ADIPOR2: variants seen among roughly 807,000 people sequenced by gnomAD.
ADIPOR2 encodes adiponectin receptor protein 2.
ADIPOR2 carries 18 observed loss-of-function variants against 40.9 expected under a neutral mutation model. That is an observed-to-expected ratio of 0.44 (90% confidence interval 0.30 to 0.65). ADIPOR2 has a LOEUF of 0.65. Ranked by LOEUF, ADIPOR2 falls within the 30% of genes least tolerant of loss-of-function variation. The pLI, the probability that ADIPOR2 is intolerant of heterozygous loss-of-function variation, is 0.09. For synonymous variants in ADIPOR2, 165 were observed against 166.4 expected, an observed-to-expected ratio of 0.99 and a Z score of 0.06; for missense variants, 283 against 479.2, an observed-to-expected ratio of 0.59 and a Z score of 3.82.
At position 1,784,087 on chromosome 12, in the gene ADIPOR2, G is replaced by A; in HGVS notation, c.1032+14G>A. 6.4e-7 allele frequency: 1 copy of A among 1,561,340 alleles called. No individual in the cohort carries two copies. Among genetic ancestry groups the A allele is most frequent in the Non-Finnish European group, 8.7e-7 (1 of 1,149,474 alleles). ...TGTGACATCTGGGTAAGTATGTCGG[G>A]GTGACTGAGTGTGTAGGTATCTGCT... On this transcript the variant is annotated intron_variant, in intron 7 of 7. Coordinates refer to ENST00000357103, the MANE Select transcript of ADIPOR2 (RefSeq NM_024551.3).
At chr12:1,757,175 A>G (rs1023598196) in intron 2 of ADIPOR2, 7 of 319,148 alleles carry the variant, frequency 2.2e-5, no homozygotes, top group Admixed American at 4.5e-5. Flanking sequence ...TCTGTTTATC[A>G]TGCTACATTA....
At chr12:1,693,334 G>A (rs1318272710) in intron 1 of ADIPOR2, among the ~76,000 whole-genome samples, 1 of 151,762 alleles carries the variant, frequency 6.6e-6, no homozygotes, top group Non-Finnish European at 1.5e-5. Context: ...AAAGTTTGCC[G>A]AGCTCCATTA....
chr12:1,701,175 G>A (rs561117740), intron 1 of ADIPOR2, among the ~76,000 whole-genome samples: 1 of 145,976 alleles, frequency 6.9e-6, no homozygotes, highest in East Asian at 2.0e-4. Context: ...TGTCACCCAG[G>A]CTAGAGTACA....
At chr12:1,772,797 G>T in intron 2 of ADIPOR2, 45 bp from the exon 3 acceptor site, 1 of 1,554,434 alleles carries the variant, frequency 6.4e-7, no homozygotes, top group Admixed American at 1.9e-5. Context: ...TGTGTCATTT[G>T]GCTCCCAGTC....
chr12:1,754,747 C>T (rs1254905588), intron 2 of ADIPOR2, among the ~76,000 whole-genome samples: 2 of 150,460 alleles, frequency 1.3e-5, no homozygotes, highest in African/African-American at 2.5e-5. Context: ...ACTACTACTA[C>T]TATTGAGACG....
rs1050147563 is a variant in ADIPOR2, at chr12:1,714,267, G to T, written c.-87+23076G>T. Among the ~76,000 whole-genome samples the T allele has an allele frequency of 5.3e-5, 8 of 152,212 alleles. No homozygotes were observed. In the East Asian group the frequency reaches 1.3e-3, roughly 26 times the overall value. ...TCTGAGGGCCATGACTAAGGCTGTA[G>T]CCTTTCTCTTATCTCACTTTTCCTT... On this transcript the variant is annotated intron_variant, in intron 1 of 7. Transcript: ENST00000357103.
chr12:1,720,510 C>G (rs1320748300), intron 1 of ADIPOR2, among the ~76,000 whole-genome samples: 1 of 152,188 alleles, frequency 6.6e-6, no homozygotes, highest in Non-Finnish European at 1.5e-5. Flanking sequence ...TAGACTGTCC[C>G]ATATGGGAGT....
chr12:1,764,643 C>G (rs1862338535), intron 2 of ADIPOR2, among the ~76,000 whole-genome samples: 1 of 151,770 alleles, frequency 6.6e-6, no homozygotes, highest in Non-Finnish European at 1.5e-5. Flanking sequence ...CTAGACACTC[C>G]TGTATAACCA....
In ADIPOR2 at chr12:1,768,240, T is replaced by C. The variant is rs1862425172; in HGVS notation, c.172-4602T>C. Among the ~76,000 whole-genome samples, 3 of 152,212 alleles carry C rather than the reference T, an allele frequency of 2.0e-5. 1 individual carries two copies. The South Asian group carries it at 6.2e-4, about 32-fold the overall frequency. On this transcript the variant is annotated intron_variant, in intron 2 of 7. Transcript: ENST00000357103. The stretch of plus-strand genomic sequence containing the variant: ...TGAGTCTTTGTGGCACTTCTTGTAC[T>C]TCCACTAACATTTAAATACCTCATT...
intron 1 of ADIPOR2, among the ~76,000 whole-genome samples, chr12:1,715,458 C>T (rs1208164741): frequency 6.6e-6 from 1 of 151,996 alleles, no homozygotes. Flanking sequence ...CCTGTGTGTT[C>T]CCCATCTGAA....
chr12:1,781,219 G>T (rs935833871), intron 6 of ADIPOR2, 143 bp downstream of exon 6: 1 of 945,170 alleles, frequency 1.1e-6, no homozygotes, highest in Non-Finnish European at 1.5e-6. Flanking sequence ...CTATTGTTGG[G>T]GGTTTTTTTA....
chr12:1,781,870 C>G lies in ADIPOR2; in HGVS notation c.838+794C>G, dbSNP rs560925850. 3.3e-5 allele frequency among the ~76,000 whole-genome samples: 5 copies of G among 152,322 alleles called. 1 individual carries two copies. In the South Asian group the frequency reaches 1.0e-3, roughly 32 times the overall value. ...CATGTCAGTGACCACTGTTAAAACA[C>G]TCTGCCGTCCTCCTTTTTGTGTTCA... On this transcript the variant is annotated intron_variant, in intron 6 of 7. Coordinates refer to ENST00000357103, the MANE Select transcript of ADIPOR2 (RefSeq NM_024551.3).
Position 1,746,512 on chromosome 12 carries a change from A to C in ADIPOR2, c.-86-7746A>C, listed in dbSNP as rs543185411. 2.0e-5 allele frequency among the ~76,000 whole-genome samples: 3 copies of C among 152,134 alleles called. No homozygotes were observed. In the East Asian group the frequency reaches 5.8e-4, roughly 29 times the overall value. The stretch of plus-strand genomic sequence containing the variant: ...AAAACAAAAAACAAAAAACAAAAAA[A>C]ACCCTCTTATAAGAGACAAGGAAGA... On this transcript the variant is annotated intron_variant, in intron 1 of 7. Coordinates refer to ENST00000357103, the MANE Select transcript of ADIPOR2 (RefSeq NM_024551.3).
intron 1 of ADIPOR2, among the ~76,000 whole-genome samples, chr12:1,751,667 A>G (rs1486428294): frequency 6.6e-6 from 1 of 151,812 alleles, no homozygotes; most frequent in Non-Finnish European, 1.5e-5. Flanking sequence ...GCCACGTGCC[A>G]CCACACCCGG....
At chr12:1,756,451 T>C (rs984134780) in intron 2 of ADIPOR2, among the ~76,000 whole-genome samples, 1 of 130,210 alleles carries the variant, frequency 7.7e-6, no homozygotes, top group East Asian at 2.3e-4. Context: ...TGCCTGGCCT[T>C]CTTTTTTTTT....
intron 6 of ADIPOR2, among the ~76,000 whole-genome samples, chr12:1,782,248 G>A (rs1006389784): frequency 2.0e-5 from 3 of 152,188 alleles, no homozygotes; most frequent in Non-Finnish European, 1.5e-5. Context: ...TTCTCTTTTA[G>A]ATGTCCATTT....
intron 4 of ADIPOR2, among the ~76,000 whole-genome samples, chr12:1,779,075 C>T (rs1421111740): frequency 2.0e-5 from 3 of 152,128 alleles, no homozygotes; most frequent in South Asian, 4.1e-4. Flanking sequence ...AACTTTCATA[C>T]GTTGCCAGTA....
chr12:1,722,961 T>A (rs1018683645), intron 1 of ADIPOR2, among the ~76,000 whole-genome samples: 1 of 152,236 alleles, frequency 6.6e-6, no homozygotes, highest in African/African-American at 2.4e-5. Flanking sequence ...CCAATCTACC[T>A]TAGAGTTTTT....
intron 1 of ADIPOR2, among the ~76,000 whole-genome samples, chr12:1,714,214 T>C (rs1251755151): frequency 6.6e-6 from 1 of 152,104 alleles, no homozygotes; most frequent in Non-Finnish European, 1.5e-5. Context: ...CCATTTTCTG[T>C]CCTCTCTGAA....
Sources: allele counts gnomAD v4.1 joint callset (sites outside exome capture counted in the v4.1 genomes callset), GRCh38; gene constraint gnomAD v4.1.1; transcripts MANE v1.5; gene names NCBI Gene and HGNC (gene_info 2026-07-23, HGNC 2026-07-21).